The following DPP10 variants were observed in gnomAD, a reference collection of about 807,000 sequenced individuals.
DPP10 encodes dipeptidyl peptidase like 10, also known as inactive dipeptidyl peptidase 10.
A neutral mutation model predicts 120.9 loss-of-function variants in DPP10; 33 were observed. The ratio of observed to expected loss-of-function variants is 0.27; its 90% CI spans 0.21 to 0.37. The LOEUF (loss-of-function observed/expected upper bound fraction) is 0.37. Ranked by LOEUF, DPP10 falls within the 10% of genes least tolerant of loss-of-function variation. The probability of loss-of-function intolerance (pLI) is 1.00; values close to 1 mark genes in which losing one functional copy is unlikely to be tolerated. For synonymous variants in DPP10, 337 were observed against 326.1 expected, an observed-to-expected ratio of 1.03 and a Z score of -0.36; for missense variants, 816 against 942.8, an observed-to-expected ratio of 0.87 and a Z score of 1.76.
At chr2:115,702,676 G>A (rs1465436672) in intron 7 of DPP10, among the ~76,000 whole-genome samples, 1 of 152,056 alleles carries the variant, frequency 6.6e-6, no homozygotes, top group Non-Finnish European at 1.5e-5. Flanking sequence ...AAGGAGATTA[G>A]TGGTTACTTA....
At chr2:115,616,643 A>G (rs2084524927) in intron 5 of DPP10, among the ~76,000 whole-genome samples, 1 of 152,158 alleles carries the variant, frequency 6.6e-6, no homozygotes, top group Admixed American at 6.5e-5. Flanking sequence ...AAAGTTGGCC[A>G]TAACCTCTCT....
At chr2:115,594,845 A>G (rs1361253079) in intron 5 of DPP10, among the ~76,000 whole-genome samples, 1 of 152,180 alleles carries the variant, frequency 6.6e-6, no homozygotes, top group African/African-American at 2.4e-5. Flanking sequence ...ATCATAATAG[A>G]TATAATTATT....
Position 114,934,623 on chromosome 2 carries a change from C to CGT in DPP10, c.61-374601_61-374600dup, listed in dbSNP as rs144826118. On this transcript the variant is annotated intron_variant, in intron 1 of 25. Transcript: ENST00000410059. ...GTCATTCATGGGTCAACTCTGTGTGCGTGTGTGTGTGTGTGTATGTGTGTA... is the reference window on the plus strand; with the variant it reads ...GTCATTCATGGGTCAACTCTGTGTGCGTGTGTGTGTGTGTGTGTATGTGTGTA... 4.8e-4 allele frequency among the ~76,000 whole-genome samples: 72 copies of CGT among 150,154 alleles called. No homozygotes were observed. The East Asian group carries it at 4.9e-3, about 10-fold the overall frequency.
chr2:114,881,598 G>A (rs3962169), intron 1 of DPP10, among the ~76,000 whole-genome samples: 58,479 of 140,944 alleles, frequency 0.41, 11,883 homozygotes, highest in East Asian at 0.49. Context: ...CTGTCTGTCT[G>A]TCTATCTATC....
intron 1 of DPP10, chr2:115,064,456 C>T (rs866216403): frequency 4.2e-6 from 1 of 240,846 alleles, no homozygotes; most frequent in African/African-American, 2.2e-5. Flanking sequence ...GACTGTGGCT[C>T]AGAACCGTGT....
chr2:114,604,111 C>T (rs1372585608), intron 1 of DPP10, among the ~76,000 whole-genome samples: 1 of 152,022 alleles, frequency 6.6e-6, no homozygotes, highest in African/African-American at 2.4e-5. Flanking sequence ...ATTGGAGTCT[C>T]AGTGCCTAGA....
At chr2:115,376,790 G>C (rs1294813959) in intron 3 of DPP10, among the ~76,000 whole-genome samples, 2 of 150,022 alleles carry the variant, frequency 1.3e-5, no homozygotes, top group African/African-American at 2.5e-5. Context: ...CTATGAGTCA[G>C]AATATGTGGT....
At chr2:115,161,756 G>T (rs2104966639) in intron 1 of DPP10, 1 of 464,970 alleles carries the variant, frequency 2.2e-6, no homozygotes, top group East Asian at 3.8e-5. Flanking sequence ...AGGGTCTGCG[G>T]TGGCCGAGGG....
intron 1 of DPP10, among the ~76,000 whole-genome samples, chr2:115,216,203 C>T (rs901957912): frequency 1.3e-5 from 2 of 152,080 alleles, no homozygotes; most frequent in African/African-American, 4.8e-5. Context: ...ATGGGTGCAA[C>T]GTACACTATT....
chr2:115,459,707 T>G (rs2073865201), intron 3 of DPP10, among the ~76,000 whole-genome samples: 1 of 151,940 alleles, frequency 6.6e-6, no homozygotes, highest in African/African-American at 2.4e-5. Flanking sequence ...ATCAAAATTG[T>G]GAGAAACAAA....
At chr2:115,046,043 A>G (rs1355992712) in intron 1 of DPP10, among the ~76,000 whole-genome samples, 2 of 151,636 alleles carry the variant, frequency 1.3e-5, no homozygotes, top group African/African-American at 4.9e-5. Context: ...TGTGTTGCTT[A>G]ATGTCAAATA....
intron 1 of DPP10, among the ~76,000 whole-genome samples, chr2:114,779,523 C>T (rs1404466331): frequency 1.3e-5 from 2 of 152,090 alleles, no homozygotes; most frequent in East Asian, 1.9e-4. Flanking sequence ...TAATGATTGA[C>T]TTCTTACATA....
intron 1 of DPP10, among the ~76,000 whole-genome samples, chr2:114,705,937 G>A (rs1700659269): frequency 6.6e-6 from 1 of 152,154 alleles, no homozygotes; most frequent in Non-Finnish European, 1.5e-5. Context: ...TCTCATGGTA[G>A]CAAAGTAGCT....
chr2:114,691,656 T>G (rs1404673225), intron 1 of DPP10, among the ~76,000 whole-genome samples: 1 of 152,068 alleles, frequency 6.6e-6, no homozygotes, highest in African/African-American at 2.4e-5. Flanking sequence ...GTAGAAGTGG[T>G]GGCAGCTCTT....
At chr2:114,877,602 G>T (rs1299230531) in intron 1 of DPP10, among the ~76,000 whole-genome samples, 2 of 152,054 alleles carry the variant, frequency 1.3e-5, no homozygotes, top group Non-Finnish European at 2.9e-5. Flanking sequence ...CACACACAAT[G>T]CCCCTGTCTC....
intron 1 of DPP10, among the ~76,000 whole-genome samples, chr2:114,476,529 T>C (rs897573645): frequency 2.0e-5 from 3 of 152,172 alleles, no homozygotes; most frequent in Non-Finnish European, 4.4e-5. Flanking sequence ...CAAAAAAATA[T>C]GGTGGCTCTT....
At chr2:114,637,199 T>C (rs1013233045) in intron 1 of DPP10, among the ~76,000 whole-genome samples, 2 of 151,994 alleles carry the variant, frequency 1.3e-5, no homozygotes. Context: ...AATAAAACGT[T>C]AACACAGTAT....
intron 1 of DPP10, among the ~76,000 whole-genome samples, chr2:115,012,308 G>T (rs6716454): frequency 0.43 from 64,698 of 151,828 alleles, 14,026 homozygotes; most frequent in South Asian, 0.54. Flanking sequence ...GGGCAAGTTT[G>T]CATCCTGCGC....
intron 1 of DPP10, among the ~76,000 whole-genome samples, chr2:114,993,817 T>C (rs1017541271): frequency 6.6e-6 from 1 of 152,066 alleles, no homozygotes; most frequent in African/African-American, 2.4e-5. Flanking sequence ...GTCTACATGT[T>C]TGAATAGATT....
Sources: gnomAD v4.1 joint callset for allele counts (sites outside exome capture counted in the v4.1 genomes callset) on GRCh38, gnomAD v4.1.1 for gene constraint, MANE v1.5 for transcripts, NCBI Gene and HGNC (gene_info 2026-07-23, HGNC 2026-07-21) for gene names.